The following SLC25A40 variants were observed in gnomAD, a reference collection of about 807,000 sequenced individuals.
SLC25A40 encodes mitochondrial glutathione transporter SLC25A40.
SLC25A40 carries 41 observed loss-of-function variants against 46.5 expected under a neutral mutation model. That is an observed-to-expected ratio of 0.88 (90% CI 0.69 to 1.14). SLC25A40 has a LOEUF of 1.14. Ranked by LOEUF, SLC25A40 falls within the 50% of genes most tolerant of loss-of-function variation. The probability of loss-of-function intolerance (pLI) is 0.00; values close to 1 mark genes in which losing one functional copy is unlikely to be tolerated. For missense variants in SLC25A40, 386 were observed against 393.6 expected (o/e 0.98, Z 0.16); for synonymous variants, 126 against 127.5 (o/e 0.99, Z 0.08).
chr7:87,864,210 T>G (rs547281695), intron 1 of SLC25A40, among the ~76,000 whole-genome samples: 1 of 152,340 alleles, frequency 6.6e-6, no homozygotes, highest in East Asian at 1.9e-4. Context: ...TTAGGACTAT[T>G]TTAAAAATTT....
intron 1 of SLC25A40, among the ~76,000 whole-genome samples, chr7:87,875,177 T>G (rs912650835): frequency 2.0e-5 from 3 of 152,228 alleles, no homozygotes; most frequent in African/African-American, 4.8e-5. Context: ...ATTGGAGAGA[T>G]ATCAAATCAA....
chr7:87,856,684 GA>G (rs1488806202), intron 3 of SLC25A40, among the ~76,000 whole-genome samples: 1 of 152,050 alleles, frequency 6.6e-6, no homozygotes, highest in East Asian at 1.9e-4. Context: ...AAGACTTTGA[GA>G]ATAACTTTCT....
At chr7:87,869,623 A>C (rs1420251030) in intron 1 of SLC25A40, among the ~76,000 whole-genome samples, 1 of 151,618 alleles carries the variant, frequency 6.6e-6, no homozygotes, top group African/African-American at 2.4e-5. Context: ...TTTACTCACT[A>C]ATTATTCTGA....
intron 1 of SLC25A40, among the ~76,000 whole-genome samples, chr7:87,867,026 C>T (rs187688798): frequency 2.5e-4 from 38 of 152,342 alleles, no homozygotes; most frequent in African/African-American, 7.9e-4. Context: ...CCTTTGTCTC[C>T]GCCAGACTTG....
chr7:87,860,743 AAT>A (rs1838683566), intron 1 of SLC25A40, 103 bp from the exon 2 acceptor site: 1 of 152,230 alleles, frequency 6.6e-6, no homozygotes, highest in Non-Finnish European at 1.5e-5. Context: ...AAAATCAACA[AAT>A]ACTCATTAAA....
At chr7:87,845,354 G>A (rs944850131) in intron 8 of SLC25A40, among the ~76,000 whole-genome samples, 1 of 152,162 alleles carries the variant, frequency 6.6e-6, no homozygotes. Context: ...AGCAGGAGGT[G>A]AGCGGCGGGT....
In SLC25A40 at chr7:87,833,888, T is replaced by C. The variant is rs940105860; in HGVS notation, c.*2361A>G. 6.6e-6 allele frequency: 1 copy of C among 151,608 alleles called. No homozygotes were observed. Among genetic ancestry groups the C allele is most frequent in the Non-Finnish European group, 1.5e-5 (1 of 67,818 alleles). 9.4% of individuals were successfully genotyped at this position (151,608 alleles called of 1,614,324 possible). A position where few individuals can be genotyped will look rare whatever the true frequency, so the allele number is the denominator to read the frequency against. On this transcript the variant is annotated 3_prime_UTR_variant, in exon 12 of 12. Coordinates refer to ENST00000341119, the MANE Select transcript of SLC25A40 (RefSeq NM_018843.4). ...AAGAGGGAAAAATTTAAAAAACATA[T>C]GCAGTTAAATAACCATAATGAATAG...
Position 87,836,245 on chromosome 7 carries a change from A to T in SLC25A40, c.*4T>A. The T allele has an allele frequency of 1.9e-6, 3 of 1,563,390 alleles. No individual in the cohort carries two copies. Among genetic ancestry groups the T allele is most frequent in the Non-Finnish European group, 2.6e-6 (3 of 1,149,322 alleles). On this transcript the variant is annotated 3_prime_UTR_variant, in exon 12 of 12. Transcript: ENST00000341119. ...AGTTGTTGTTTCAAGTTGAAACAGCATCACTAGTATTGCTGCCTTCGAACA... is the reference window on the plus strand; with the variant it reads ...AGTTGTTGTTTCAAGTTGAAACAGCTTCACTAGTATTGCTGCCTTCGAACA...
Position 87,846,930 on chromosome 7 carries a change from C to T in SLC25A40, c.631+19G>A. 4 of 1,570,706 alleles carry T rather than the reference C, an allele frequency of 2.5e-6. No homozygotes were observed. The South Asian group carries it at 4.7e-5, about 18-fold the overall frequency. ...AAAGCCATGTAAAATTTAGTAGCTA[C>T]AAATAAGATAAATCCTACCTGAGAA... On this transcript the variant is annotated intron_variant, in intron 8 of 11. Transcript: ENST00000341119.
chr7:87,856,959 AGAT>A (rs1838624205), intron 3 of SLC25A40, among the ~76,000 whole-genome samples: 1 of 152,228 alleles, frequency 6.6e-6, no homozygotes, highest in Non-Finnish European at 1.5e-5. Context: ...TAATTATATT[AGAT>A]GATCTCTATG....
chr7:87,867,741 C>T (rs1838826423), intron 1 of SLC25A40, among the ~76,000 whole-genome samples: 1 of 152,220 alleles, frequency 6.6e-6, no homozygotes, highest in African/African-American at 2.4e-5. Context: ...TTTGCTTAGA[C>T]ACTCTTTGTA....
At chr7:87,861,025 C>T (rs1319424132) in intron 1 of SLC25A40, among the ~76,000 whole-genome samples, 1 of 152,026 alleles carries the variant, frequency 6.6e-6, no homozygotes, top group South Asian at 2.1e-4. Context: ...GAGGGCGAAC[C>T]TTTAATCTGA....
At chr7:87,863,604 G>A (rs941337666) in intron 1 of SLC25A40, among the ~76,000 whole-genome samples, 2 of 150,914 alleles carry the variant, frequency 1.3e-5, no homozygotes, top group African/African-American at 4.9e-5. Context: ...CATACTAGAT[G>A]TACATGTTTT....
chr7:87,843,083 G>A (rs570853198), intron 9 of SLC25A40, among the ~76,000 whole-genome samples: 110 of 151,902 alleles, frequency 7.2e-4, no homozygotes, highest in Non-Finnish European at 1.2e-3. Context: ...CTGCTCCTTC[G>A]CTATTGTTTT....
Position 87,835,783 on chromosome 7 carries a change from AT to A in SLC25A40, c.*465del, listed in dbSNP as rs1344696800. ...AGGCAATATTTGGTCGATGTAAACA[AT>A]GCTATTTAACGAGTGCTTTATCTAC... On this transcript the variant is annotated 3_prime_UTR_variant, in exon 12 of 12. Transcript: ENST00000341119. 6.6e-5 allele frequency: 10 copies of A among 152,208 alleles called. 1 individual carries two copies. The Admixed American group carries it at 6.6e-4, about 10-fold the overall frequency. The allele number at this position is 152,208 out of a possible 1,614,324, so 9.4% of individuals were successfully genotyped here. A position where few individuals can be genotyped will look rare whatever the true frequency, so the allele number is the denominator to read the frequency against.
intron 1 of SLC25A40, among the ~76,000 whole-genome samples, chr7:87,874,201 T>C (rs1478958968): frequency 6.6e-6 from 1 of 152,250 alleles, no homozygotes; most frequent in East Asian, 1.9e-4. Context: ...GGAATTACCA[T>C]CTTCAGTGCA....
chr7:87,842,166 A>G, intron 9 of SLC25A40: 1 of 187,450 alleles, frequency 5.3e-6, no homozygotes, highest in Admixed American at 6.1e-5. Context: ...GAATAAAGAA[A>G]ATGAATTTTG....
chr7:87,870,741 G>A (rs1562751491), intron 1 of SLC25A40, among the ~76,000 whole-genome samples: 2 of 152,098 alleles, frequency 1.3e-5, no homozygotes, highest in Admixed American at 6.5e-5. Context: ...GGGGACGGCC[G>A]GACCTTAGGG....
At chr7:87,872,141 C>A (rs1838904813) in intron 1 of SLC25A40, among the ~76,000 whole-genome samples, 1 of 152,122 alleles carries the variant, frequency 6.6e-6, no homozygotes. Flanking sequence ...GGAATCATAA[C>A]CTCTTACTTA....
Sources: allele counts gnomAD v4.1 joint callset (sites outside exome capture counted in the v4.1 genomes callset), GRCh38; gene constraint gnomAD v4.1.1; transcripts MANE v1.5; gene names NCBI Gene and HGNC (gene_info 2026-07-23, HGNC 2026-07-21).